PPP2R2B: variants seen among roughly 807,000 people sequenced by gnomAD.
The protein encoded by PPP2R2B is protein phosphatase 2 regulatory subunit Bbeta, also known as serine/threonine-protein phosphatase 2A 55 kDa regulatory subunit B beta isoform.
In PPP2R2B, 5 loss-of-function variants were observed where a neutral mutation model predicts 46.0. The ratio of observed to expected loss-of-function variants is 0.11; its 90% CI spans 0.06 to 0.23. PPP2R2B has a LOEUF of 0.23. Among genes scored for constraint, PPP2R2B ranks in the 10% least tolerant of loss-of-function variants. PPP2R2B has a pLI of 1.00. For synonymous variants in PPP2R2B, 215 were observed against 206.7 expected, an observed-to-expected ratio of 1.04 and a Z score of -0.34; for missense variants, 367 against 575.0, an observed-to-expected ratio of 0.64 and a Z score of 3.70.
At chr5:146,755,058 A>G (rs1753759827) in intron 2 of PPP2R2B, among the ~76,000 whole-genome samples, 1 of 152,232 alleles carries the variant, frequency 6.6e-6, no homozygotes, top group Non-Finnish European at 1.5e-5. Flanking sequence ...ATATAAACAT[A>G]AATTTTTAAA....
intron 1 of PPP2R2B, among the ~76,000 whole-genome samples, chr5:146,954,999 G>A (rs187998257): frequency 6.6e-6 from 1 of 152,080 alleles, no homozygotes; most frequent in African/African-American, 2.4e-5. Context: ...TAACTTATCT[G>A]CTCGATGGTC....
intron 1 of PPP2R2B, among the ~76,000 whole-genome samples, chr5:147,027,895 T>C (rs1449535272): frequency 6.6e-6 from 1 of 152,184 alleles, no homozygotes; most frequent in Non-Finnish European, 1.5e-5. Flanking sequence ...TAAGTGTCTC[T>C]TTTGGGCGAT....
chr5:146,899,197 C>A (rs938114585), intron 1 of PPP2R2B, among the ~76,000 whole-genome samples: 2 of 144,986 alleles, frequency 1.4e-5, no homozygotes, highest in African/African-American at 5.3e-5. Context: ...CAGCACTATT[C>A]ACAATAGCAA....
intron 1 of PPP2R2B, among the ~76,000 whole-genome samples, chr5:146,898,410 G>T (rs184321779): frequency 1.2e-4 from 19 of 152,174 alleles, no homozygotes; most frequent in South Asian, 2.1e-4. Context: ...CTGGGAAAAC[G>T]GGCTAGTCAC....
intron 2 of PPP2R2B, among the ~76,000 whole-genome samples, chr5:146,744,213 C>A (rs546864661): frequency 4.6e-5 from 7 of 152,130 alleles, no homozygotes; most frequent in Non-Finnish European, 1.0e-4. Flanking sequence ...CCATCCCCTG[C>A]CCCCACCCTT....
At chr5:146,661,680 A>C (rs987286381) in intron 5 of PPP2R2B, among the ~76,000 whole-genome samples, 5 of 152,204 alleles carry the variant, frequency 3.3e-5, no homozygotes, top group African/African-American at 1.2e-4. Flanking sequence ...GACTATAAAA[A>C]GGAGAGGAAA....
At chr5:146,998,326 A>T (rs13356903) in intron 1 of PPP2R2B, among the ~76,000 whole-genome samples, 4,902 of 152,304 alleles carry the variant, frequency 0.032, 268 homozygotes, top group African/African-American at 0.11. Context: ...TCGTCTTTGC[A>T]GCTGGGAGAC....
chr5:146,978,889 G>T (rs913350827), intron 1 of PPP2R2B, among the ~76,000 whole-genome samples: 11 of 152,042 alleles, frequency 7.2e-5, no homozygotes, highest in Admixed American at 7.2e-4. Context: ...CCTCTTAAGT[G>T]ATAATCTTGC....
chr5:146,765,937 G>A (rs1648174288), intron 2 of PPP2R2B, among the ~76,000 whole-genome samples: 2 of 152,162 alleles, frequency 1.3e-5, no homozygotes, highest in African/African-American at 4.8e-5. Context: ...TTGGGAAAGT[G>A]TTTAGACTGG....
intron 2 of PPP2R2B, among the ~76,000 whole-genome samples, chr5:146,844,328 A>G (rs1483311834): frequency 6.7e-6 from 1 of 149,744 alleles, no homozygotes; most frequent in Non-Finnish European, 1.5e-5. Context: ...CAATGTGCAC[A>G]TGTACCCTAA....
chr5:146,888,336 C>T (rs1762393408), intron 1 of PPP2R2B, among the ~76,000 whole-genome samples: 1 of 152,152 alleles, frequency 6.6e-6, no homozygotes, highest in African/African-American at 2.4e-5. Context: ...CCTCCTGTTC[C>T]TTCATTCCAC....
At chr5:146,945,203 T>G (rs1017826040) in intron 1 of PPP2R2B, among the ~76,000 whole-genome samples, 1 of 152,130 alleles carries the variant, frequency 6.6e-6, no homozygotes, top group Admixed American at 6.6e-5. Context: ...TAGAAGACAT[T>G]AGATGCAACT....
Position 146,877,818 on chromosome 5 carries a change from A to G in PPP2R2B, c.70+184T>C, listed in dbSNP as rs377623905. On this transcript the variant is annotated intron_variant, in intron 2 of 9. Coordinates refer to ENST00000394411, the MANE Select transcript of PPP2R2B (RefSeq NM_181675.4). ...CGGGTCCACCTGCTGCTGAACGCCG[A>G]GCTCGCCTCGCGGAGCCCGGATGGA... Among the ~76,000 whole-genome samples, 265 of 152,234 alleles carry G rather than the reference A, an allele frequency of 1.7e-3. 1 individual carries two copies. The highest frequency in any genetic ancestry group is 5.7e-3 in the African/African-American group (237 of 41,554).
At chr5:146,608,482 A>G (rs1772518564) in intron 7 of PPP2R2B, among the ~76,000 whole-genome samples, 1 of 152,152 alleles carries the variant, frequency 6.6e-6, no homozygotes. Context: ...ATAAAAATGA[A>G]AAGAGATAAA....
chr5:147,022,425 G>A (rs865852018), intron 1 of PPP2R2B, among the ~76,000 whole-genome samples: 2 of 151,820 alleles, frequency 1.3e-5, no homozygotes, highest in Admixed American at 1.3e-4. Flanking sequence ...GTTGGGTGTG[G>A]TAGCATGCAC....
intron 1 of PPP2R2B, among the ~76,000 whole-genome samples, chr5:146,982,666 T>G (rs1410708111): frequency 6.6e-6 from 1 of 152,202 alleles, no homozygotes; most frequent in Non-Finnish European, 1.5e-5. Flanking sequence ...GATTTGTCTA[T>G]TTCTCCTTTC....
intron 2 of PPP2R2B, among the ~76,000 whole-genome samples, chr5:146,872,943 G>A (rs1283477745): frequency 6.6e-6 from 1 of 152,100 alleles, no homozygotes; most frequent in African/African-American, 2.4e-5. Context: ...TATTCATACA[G>A]TTTTAAGTAC....
At chr5:146,769,448 G>A (rs113045853) in intron 2 of PPP2R2B, among the ~76,000 whole-genome samples, 4 of 152,038 alleles carry the variant, frequency 2.6e-5, no homozygotes, top group Admixed American at 2.0e-4. Flanking sequence ...CATGTTTATC[G>A]TAAACTATAA....
chr5:146,851,284 C>T (rs907675769), intron 2 of PPP2R2B, among the ~76,000 whole-genome samples: 1 of 152,192 alleles, frequency 6.6e-6, no homozygotes, highest in Non-Finnish European at 1.5e-5. Flanking sequence ...CAACATTTAA[C>T]AAATATTTAC....
Sources: gnomAD v4.1 joint callset for allele counts (sites outside exome capture counted in the v4.1 genomes callset) on GRCh38, gnomAD v4.1.1 for gene constraint, MANE v1.5 for transcripts, NCBI Gene and HGNC (gene_info 2026-07-23, HGNC 2026-07-21) for gene names.